Variants in COL25A1 observed in about 807,000 individuals in gnomAD.
The protein encoded by COL25A1 is collagen type XXV alpha 1 chain.
In COL25A1, 103 loss-of-function variants were observed where a neutral mutation model predicts 128.4. The ratio of observed to expected loss-of-function variants is 0.80; its 90% CI spans 0.68 to 0.94. The LOEUF is 0.94. Ranked by LOEUF, COL25A1 falls within the 40% of genes least tolerant of loss-of-function variation. The probability of loss-of-function intolerance (pLI) is 0.00; values close to 1 mark genes in which losing one functional copy is unlikely to be tolerated. For synonymous variants in COL25A1, 279 were observed against 277.2 expected (o/e 1.01, Z -0.06); for missense variants, 745 against 840.0 (o/e 0.89, Z 1.40).
chr4:108,856,017 C>T (rs375965541), intron 24 of COL25A1, among the ~76,000 whole-genome samples: 31 of 152,120 alleles, frequency 2.0e-4, no homozygotes, highest in East Asian at 5.8e-4. Context: ...TAGTGAGACG[C>T]GACGTGAAAT....
Position 109,050,198 on chromosome 4 carries a change from T to C in COL25A1, c.368-19A>G. ...GGAGGGCCTGAAATACAAAGGATAATTTTTTTAGTGTAGTTTAATTCTTTT... is the reference window on the plus strand; with the variant it reads ...GGAGGGCCTGAAATACAAAGGATAACTTTTTTAGTGTAGTTTAATTCTTTT... On this transcript the variant is annotated intron_variant, in intron 3 of 37. Transcript: ENST00000399132. The C allele has an allele frequency of 6.3e-7, 1 of 1,593,956 alleles. No homozygotes were observed. The highest frequency in any genetic ancestry group is 8.6e-7 in the Non-Finnish European group (1 of 1,166,022).
intron 3 of COL25A1, among the ~76,000 whole-genome samples, chr4:109,226,030 A>C (rs1291623299): frequency 6.9e-6 from 1 of 144,258 alleles, no homozygotes; most frequent in Non-Finnish European, 1.5e-5. Flanking sequence ...CACACACACA[A>C]CGGAATACTA....
At chr4:109,058,875 T>G (rs954708111) in intron 3 of COL25A1, among the ~76,000 whole-genome samples, 15 of 152,200 alleles carry the variant, frequency 9.9e-5, no homozygotes, top group African/African-American at 3.4e-4. Flanking sequence ...AGAACTGGTT[T>G]AACACTGAAA....
At chr4:109,225,860 A>G (rs1004580641) in intron 3 of COL25A1, among the ~76,000 whole-genome samples, 4 of 152,002 alleles carry the variant, frequency 2.6e-5, no homozygotes, top group African/African-American at 9.7e-5. Flanking sequence ...TTGTATTCCA[A>G]TACAATAGTA....
intron 5 of COL25A1, among the ~76,000 whole-genome samples, chr4:109,028,826 T>C (rs563937309): frequency 6.6e-6 from 1 of 152,198 alleles, no homozygotes; most frequent in South Asian, 2.1e-4. Flanking sequence ...GAAAGAGTGA[T>C]AAGAACAAGG....
Position 109,193,641 on chromosome 4 carries a change from G to C in COL25A1, c.367+106942C>G, listed in dbSNP as rs80298992. Among the ~76,000 whole-genome samples the C allele has an allele frequency of 0.011, 1,627 of 152,250 alleles. 60 individuals carry two copies. In the South Asian group the frequency reaches 0.14, roughly 13 times the overall value. ...GATTTCATCACCACCTCTTCTTTTAGTTTGTTCTCCTGCTGCACCAACTTC... is the reference window on the plus strand; with the variant it reads ...GATTTCATCACCACCTCTTCTTTTACTTTGTTCTCCTGCTGCACCAACTTC... On this transcript the variant is annotated intron_variant, in intron 3 of 37. Coordinates refer to ENST00000399132, the MANE Select transcript of COL25A1 (RefSeq NM_198721.4).
intron 3 of COL25A1, among the ~76,000 whole-genome samples, chr4:109,053,915 T>C (rs952723357): frequency 3.3e-5 from 5 of 152,170 alleles, no homozygotes; most frequent in African/African-American, 1.2e-4. Context: ...AAGGGATGGC[T>C]CACGCCCTGG....
intron 34 of COL25A1, 24 bp downstream of exon 34, chr4:108,825,172 A>G: frequency 6.3e-7 from 1 of 1,582,254 alleles, no homozygotes; most frequent in East Asian, 2.2e-5. Context: ...TAATAGGATG[A>G]TGTTTATTGT....
Position 108,974,358 on chromosome 4 carries a change from A to C in COL25A1, c.492+9T>G. ...ATTTTCCGCCCAAGATAGGTAGAGC[A>C]CAACTTACCCTAGGTCCCTGATCAC... On this transcript the variant is annotated intron_variant, in intron 8 of 37. Transcript: ENST00000399132. The C allele has an allele frequency of 6.2e-7, 1 of 1,613,986 alleles. No homozygotes were observed. Among genetic ancestry groups the C allele is most frequent in the Non-Finnish European group, 8.5e-7 (1 of 1,179,860 alleles).
chr4:109,167,959 T>C (rs1453898923), intron 3 of COL25A1, among the ~76,000 whole-genome samples: 1 of 152,150 alleles, frequency 6.6e-6, no homozygotes, highest in Non-Finnish European at 1.5e-5. Flanking sequence ...CCTCCATTCA[T>C]GTATTTCCTT....
chr4:109,198,312 A>T (rs1776286752), intron 3 of COL25A1, among the ~76,000 whole-genome samples: 1 of 151,716 alleles, frequency 6.6e-6, no homozygotes, highest in Admixed American at 6.6e-5. Flanking sequence ...ACACACACAC[A>T]CACACACACA....
chr4:108,907,674 T>C (rs1290259706), intron 13 of COL25A1, among the ~76,000 whole-genome samples: 1 of 152,200 alleles, frequency 6.6e-6, no homozygotes, highest in Non-Finnish European at 1.5e-5. Context: ...GAGGTAGATG[T>C]GAGATTAAAA....
chr4:109,105,681 T>C (rs1432830404), intron 3 of COL25A1, among the ~76,000 whole-genome samples: 1 of 152,110 alleles, frequency 6.6e-6, no homozygotes, highest in African/African-American at 2.4e-5. Context: ...AACTTGGAAA[T>C]ATGCCATTTT....
At chr4:109,254,714 A>G (rs1237553867) in intron 3 of COL25A1, among the ~76,000 whole-genome samples, 1 of 151,830 alleles carries the variant, frequency 6.6e-6, no homozygotes, top group Non-Finnish European at 1.5e-5. Context: ...CTGAATTTAA[A>G]GAAATTCCTT....
intron 3 of COL25A1, among the ~76,000 whole-genome samples, chr4:109,178,791 C>A (rs1010690794): frequency 7.0e-6 from 1 of 143,784 alleles, no homozygotes; most frequent in Non-Finnish European, 1.5e-5. Flanking sequence ...GCTGAGATTG[C>A]GCCACTGCAC....
At chr4:108,950,425 A>G (rs2125944405) in intron 8 of COL25A1, among the ~76,000 whole-genome samples, 1 of 152,302 alleles carries the variant, frequency 6.6e-6, no homozygotes, top group Non-Finnish European at 1.5e-5. Context: ...AGTAGCAGAA[A>G]GATTCCCATG....
At chr4:109,210,881 G>A (rs962990939) in intron 3 of COL25A1, among the ~76,000 whole-genome samples, 4 of 152,072 alleles carry the variant, frequency 2.6e-5, no homozygotes, top group Non-Finnish European at 5.9e-5. Context: ...CAACACGGAT[G>A]GTGCTGGAGG....
At chr4:109,190,520 C>T (rs997968974) in intron 3 of COL25A1, among the ~76,000 whole-genome samples, 1 of 152,072 alleles carries the variant, frequency 6.6e-6, no homozygotes, top group Non-Finnish European at 1.5e-5. Context: ...CTTTCTGGAA[C>T]GTAAACAATG....
At chr4:109,047,550 C>T (rs1760552914) in intron 5 of COL25A1, among the ~76,000 whole-genome samples, 1 of 151,952 alleles carries the variant, frequency 6.6e-6, no homozygotes, top group Non-Finnish European at 1.5e-5. Context: ...GTGATGGGTA[C>T]ACCAAAATCT....
Sources: allele counts gnomAD v4.1 joint callset (sites outside exome capture counted in the v4.1 genomes callset), GRCh38; gene constraint gnomAD v4.1.1; transcripts MANE v1.5; gene names NCBI Gene and HGNC (gene_info 2026-07-23, HGNC 2026-07-21).